SYTL2: variants seen among roughly 807,000 people sequenced by gnomAD.
SYTL2 encodes synaptotagmin-like protein 2.
A neutral mutation model predicts 198.7 loss-of-function variants in SYTL2; 165 were observed. The observed-to-expected ratio is 0.83, with a 90% confidence interval of 0.73 to 0.94. SYTL2 has a LOEUF of 0.94. SYTL2 is among the 40% of genes least tolerant of loss of function. SYTL2 has a pLI of 0.00. For missense variants in SYTL2, 2,835 were observed against 2,582.8 expected (o/e 1.10, Z -2.12); for synonymous variants, 966 against 917.7 (o/e 1.05, Z -0.95).
chr11:85,785,656 T>A (rs1413352470), intron 1 of SYTL2, among the ~76,000 whole-genome samples: 3 of 152,202 alleles, frequency 2.0e-5, no homozygotes, highest in Non-Finnish European at 4.4e-5. Context: ...AAGTTTTAAC[T>A]CTCAAGGTCA....
Position 85,730,345 on chromosome 11 carries a change from T to C in SYTL2, c.1391-2378A>G, listed in dbSNP as rs554924684. Among the ~76,000 whole-genome samples the C allele has an allele frequency of 2.0e-5, 3 of 152,216 alleles. No individual in the cohort carries two copies. The South Asian group carries it at 6.2e-4, about 32-fold the overall frequency. On this transcript the variant is annotated intron_variant, in intron 7 of 19. Transcript: ENST00000359152. ...TGAACATTGATACCAACATTCTCAA[T>C]AAAATACTGGCAAACAGAATCCAGC...
At chr11:85,809,566 G>A (rs767713039) in intron 1 of SYTL2, among the ~76,000 whole-genome samples, 1 of 152,214 alleles carries the variant, frequency 6.6e-6, no homozygotes, top group Non-Finnish European at 1.5e-5. Context: ...TAGAATCAGA[G>A]ATTGGATTTG....
chr11:85,768,657 C>A (rs754627256), intron 1 of SYTL2, among the ~76,000 whole-genome samples: 1 of 152,188 alleles, frequency 6.6e-6, no homozygotes, highest in African/African-American at 2.4e-5. Context: ...TATCCTCTAA[C>A]CTCCTACACC....
chr11:85,757,831 T>C lies in SYTL2; in HGVS notation c.-106A>G. 1 of 1,521,088 alleles carries C rather than the reference T, an allele frequency of 6.6e-7. No individual in the cohort carries two copies. Among genetic ancestry groups the C allele is most frequent in the African/African-American group, 1.4e-5 (1 of 73,056 alleles). 94.2% of individuals were successfully genotyped at this position (1,521,088 alleles called of 1,614,324 possible). Reference sequence around the variant, plus strand: ...AAGATTAAAACACACAAAAATGAAATATCTTGTTCAGTTCTGCATCAAAGT... The same window carrying C: ...AAGATTAAAACACACAAAAATGAAACATCTTGTTCAGTTCTGCATCAAAGT... On this transcript the variant is annotated 5_prime_UTR_variant, in exon 2 of 20. The change creates a new upstream start codon in the 5' untranslated region. Coordinates refer to ENST00000359152, the MANE Select transcript of SYTL2 (RefSeq NM_206927.4).
intron 3 of SYTL2, among the ~76,000 whole-genome samples, chr11:85,747,642 C>G (rs1490413657): frequency 1.3e-5 from 2 of 152,116 alleles, no homozygotes; most frequent in African/African-American, 4.8e-5. Flanking sequence ...TTTTAAAACT[C>G]CTGTGTTAGC....
At chr11:85,831,823 T>C in the SYTL2 span, among the ~76,000 whole-genome samples, 2 of 152,164 alleles carry the variant, frequency 1.3e-5, no homozygotes, top group Non-Finnish European at 2.9e-5. Flanking sequence ...AGAAATAAGC[T>C]AAACATAAGG....
chr11:85,717,623 GAGAC>G, intron 10 of SYTL2, 93 bp from the exon 11 acceptor site: 1 of 1,024,524 alleles, frequency 9.8e-7, no homozygotes, highest in Non-Finnish European at 1.5e-6. Flanking sequence ...TTTCACAACT[GAGAC>G]AGCAGAATAC....
chr11:85,815,582 T>C (rs140120799), upstream of SYTL2, among the ~76,000 whole-genome samples: 180 of 152,350 alleles, frequency 1.2e-3, 3 homozygotes, highest in East Asian at 0.024. Flanking sequence ...TCACTTTGAT[T>C]ATCTTGTTTG....
chr11:85,704,182 T>C (rs1297511271), intron 16 of SYTL2, among the ~76,000 whole-genome samples: 1 of 152,000 alleles, frequency 6.6e-6, no homozygotes. Flanking sequence ...TTTAAAAGGC[T>C]GAAAATCAAA....
At chr11:85,777,809 C>CTT (rs1555257964) in intron 1 of SYTL2, among the ~76,000 whole-genome samples, 7 of 65,842 alleles carry the variant, frequency 1.1e-4, no homozygotes, top group Non-Finnish European at 1.6e-4. Context: ...ACAGGTCTTA[C>CTT]TTCTTTTTTT....
intron 4 of SYTL2, 91 bp downstream of exon 4, chr11:85,745,546 C>G (rs1251423747): frequency 6.9e-7 from 1 of 1,441,498 alleles, no homozygotes; most frequent in Non-Finnish European, 9.5e-7. Context: ...CCCAGTCTGG[C>G]ATCTGTACTC....
chr11:85,770,408 A>G (rs545464439), intron 1 of SYTL2, among the ~76,000 whole-genome samples: 1 of 152,186 alleles, frequency 6.6e-6, no homozygotes, highest in East Asian at 1.9e-4. Flanking sequence ...ATTTCTGTCT[A>G]CCATACACAA....
chr11:85,701,226 A>T (rs377457166), intron 16 of SYTL2, among the ~76,000 whole-genome samples: 8 of 152,364 alleles, frequency 5.3e-5, no homozygotes, highest in African/African-American at 1.9e-4. Context: ...ATATTTGCAT[A>T]TACGTAATGA....
At chr11:85,717,365 C>G in intron 11 of SYTL2, 118 bp downstream of exon 11, 1 of 794,530 alleles carries the variant, frequency 1.3e-6, no homozygotes, top group East Asian at 2.5e-5. Context: ...GCTTTGCAAG[C>G]TGCAGGAGTT....
intron 12 of SYTL2, 31 bp downstream of exon 12, chr11:85,714,381 CA>C: frequency 6.5e-7 from 1 of 1,542,586 alleles, no homozygotes; most frequent in South Asian, 1.1e-5. Context: ...CCTCTGTCTC[CA>C]TTTTTCTGAA....
At chr11:85,802,373 C>G (rs956165905) in intron 1 of SYTL2, among the ~76,000 whole-genome samples, 3 of 152,026 alleles carry the variant, frequency 2.0e-5, no homozygotes, top group African/African-American at 7.2e-5. Flanking sequence ...AGGTGCCCAC[C>G]ACCAGGCCCA....
At chr11:85,736,368 C>T (rs2090336010) in intron 6 of SYTL2, 133 bp downstream of exon 6, 3 of 559,358 alleles carry the variant, frequency 5.4e-6, no homozygotes, top group African/African-American at 4.0e-5. Flanking sequence ...CCAACAAGCA[C>T]CGTAAAATAA....
the SYTL2 span, among the ~76,000 whole-genome samples, chr11:85,824,334 G>T: frequency 3.9e-5 from 6 of 152,078 alleles, no homozygotes; most frequent in African/African-American, 1.2e-4. Flanking sequence ...GGGTGTGTGT[G>T]AGGAGGGAAG....
At chr11:85,798,920 CTCAA>C (rs1295579216) in intron 1 of SYTL2, among the ~76,000 whole-genome samples, 2 of 152,202 alleles carry the variant, frequency 1.3e-5, no homozygotes, top group Non-Finnish European at 2.9e-5. Context: ...CAGTGAGCTA[CTCAA>C]TCATTTAGAT....
Sources: gnomAD v4.1 joint callset for allele counts (sites outside exome capture counted in the v4.1 genomes callset) on GRCh38, gnomAD v4.1.1 for gene constraint, MANE v1.5 for transcripts, NCBI Gene and HGNC (gene_info 2026-07-23, HGNC 2026-07-21) for gene names.